ANKRD30B: variants seen among roughly 807,000 people sequenced by gnomAD.
The protein encoded by ANKRD30B is ankyrin repeat domain 30B.
Under a neutral mutation model 202.2 loss-of-function variants are expected in ANKRD30B, and 144 were observed. The observed-to-expected ratio is 0.71, with a 90% confidence interval of 0.62 to 0.82. ANKRD30B has a LOEUF of 0.82. Ranked by LOEUF, ANKRD30B falls within the 40% of genes least tolerant of loss-of-function variation. The pLI, the probability that ANKRD30B is intolerant of heterozygous loss-of-function variation, is 0.00. For missense variants in ANKRD30B, 1,487 were observed against 1,669.1 expected (o/e 0.89, Z 1.90); for synonymous variants, 508 against 561.3 (o/e 0.91, Z 1.34).
At chr18:14,793,973 A>G (rs1968701735) in intron 16 of ANKRD30B, among the ~76,000 whole-genome samples, 1 of 152,156 alleles carries the variant, frequency 6.6e-6, no homozygotes, top group Admixed American at 6.5e-5. Flanking sequence ...ACTAAAAAGC[A>G]TCATAATAAT....
Position 14,797,399 on chromosome 18 carries a change from T to A in ANKRD30B, c.1928-262T>A, listed in dbSNP as rs139232995. On this transcript the variant is annotated intron_variant, in intron 18 of 43. Transcript: ENST00000690538. ...CTCATTCTGGCAGTCCAACCTGGCA[T>A]TGTCTTTACACAATCCTGCATGCAG... 3.0e-4 allele frequency among the ~76,000 whole-genome samples: 45 copies of A among 152,310 alleles called. No homozygotes were observed. In the East Asian group the frequency reaches 3.5e-3, roughly 12 times the overall value.
the ANKRD30B span, among the ~76,000 whole-genome samples, chr18:14,876,483 C>T: frequency 1.3e-5 from 2 of 152,178 alleles, no homozygotes; most frequent in Non-Finnish European, 2.9e-5. Context: ...ATACAACTAA[C>T]TTAGGATTCT....
chr18:14,898,323 A>C, the ANKRD30B span, among the ~76,000 whole-genome samples: 4 of 152,158 alleles, frequency 2.6e-5, no homozygotes, highest in Non-Finnish European at 4.4e-5. Flanking sequence ...AAACTGTTCC[A>C]CTTCAAATCG....
intron 39 of ANKRD30B, among the ~76,000 whole-genome samples, chr18:14,843,858 A>G (rs1389591369): frequency 6.6e-6 from 1 of 152,122 alleles, no homozygotes; most frequent in African/African-American, 2.4e-5. Flanking sequence ...TTTCTTTATG[A>G]TCATTTTGGT....
the ANKRD30B span, among the ~76,000 whole-genome samples, chr18:14,870,224 T>A: frequency 2.0e-5 from 3 of 152,184 alleles, no homozygotes; most frequent in Non-Finnish European, 2.9e-5. Context: ...AGACAATCCT[T>A]CTGCCATGGC....
chr18:14,782,473 G>T, intron 11 of ANKRD30B, 54 bp from the exon 12 acceptor site: 1 of 1,284,168 alleles, frequency 7.8e-7, no homozygotes, highest in Non-Finnish European at 1.1e-6. Flanking sequence ...TAGGAATTTT[G>T]ATGCTTCTTA....
rs1277445847 is a variant in ANKRD30B, at chr18:14,748,368, T to TG, written c.-48dup. The TG allele has an allele frequency of 3.6e-6, 5 of 1,380,956 alleles. No individual in the cohort carries two copies. The highest frequency in any genetic ancestry group is 4.7e-6 in the Non-Finnish European group (5 of 1,053,792). The allele number at this position is 1,380,956 out of a possible 1,614,324, so 85.5% of individuals were successfully genotyped here. ...GGAAGCGAGGGCGAGGGGTAGGGGCTGGGGAAGGGCGAGCGGGAGGCGCGG... is the reference window on the plus strand; with the variant it reads ...GGAAGCGAGGGCGAGGGGTAGGGGCTGGGGGAAGGGCGAGCGGGAGGCGCGG... On this transcript the variant is annotated 5_prime_UTR_variant, in exon 1 of 44. Transcript: ENST00000690538.
rs1336462144 is a variant in ANKRD30B at position 14,837,207 on chromosome 18, A to G, written c.2848-4A>G. On this transcript the variant is annotated splice_polypyrimidine_tract_variant and splice_region_variant and intron_variant, in intron 34 of 43. Coordinates refer to ENST00000690538, the MANE Select transcript of ANKRD30B (RefSeq NM_001367607.2). ...GTTTGCTTTCTGTGTTTTGTTTGTA[A>G]TAGGAGGGAGCAACAAAGACAGTAA... 6.5e-7 allele frequency: 1 copy of G among 1,541,382 alleles called. No individual in the cohort carries two copies. The highest frequency in any genetic ancestry group is 8.8e-7 in the Non-Finnish European group (1 of 1,141,414).
intron 26 of ANKRD30B, among the ~76,000 whole-genome samples, chr18:14,809,056 TGGGTCCAGGGGA>T (rs1233760026): frequency 6.8e-6 from 1 of 147,590 alleles, no homozygotes; most frequent in African/African-American, 2.5e-5. Context: ...TAGTGAAAGC[TGGGTCCAGGGGA>T]ATCACAGCCT....
In ANKRD30B at chr18:14,752,945, A is replaced by T. The variant is rs757718328; in HGVS notation, c.443A>T (p.Tyr148Phe). The T allele has an allele frequency of 6.2e-7, 1 of 1,603,848 alleles. No individual in the cohort carries two copies. Among genetic ancestry groups the T allele is most frequent in the Non-Finnish European group, 8.5e-7 (1 of 1,174,544 alleles). ...AACACGGCTCTCCATTATGCCGTTT[A>T]TAGTGAGAATTTGTTAATGGTGGCA... ...YGNTALHYAV[Y>F]SENLLMVATL... Residue 148 changes from tyrosine (Y) to phenylalanine (F), a missense_variant, in exon 3 of 44, where the codon TAT (tyrosine) becomes TTT (phenylalanine). Around this residue, in one of 6 missense-constraint regions of ANKRD30B, gnomAD observed 889 missense variants for 841.4 expected, o/e 1.06. Transcript: ENST00000690538.
chr18:14,919,117 G>T, the ANKRD30B span, among the ~76,000 whole-genome samples: 1 of 152,268 alleles, frequency 6.6e-6, no homozygotes, highest in Non-Finnish European at 1.5e-5. Flanking sequence ...AAATGCACTA[G>T]GTCACCATCC....
chr18:14,852,047 A>T lies in ANKRD30B; in HGVS notation c.4103A>T (p.Tyr1368Phe). The change falls in exon 42 of 44, where the codon TAT (tyrosine) becomes TTT (phenylalanine). Residue 1368 changes from tyrosine (Y) to phenylalanine (F), a missense_variant. Tyr to Phe is a conservative substitution (Grantham distance 22). Around this residue, in one of 6 missense-constraint regions of ANKRD30B, gnomAD observed 182 missense variants for 216.0 expected, o/e 0.84. Transcript: ENST00000690538. ...KSKSPKINLN[Y>F]AGDDLRENAL... ...AAAAGCCCAAAAATTAATCTCAATT[A>T]TGCAGGAGATGATCTAAGAGAAAAT... 1.2e-6 allele frequency: 2 copies of T among 1,607,668 alleles called. No individual in the cohort carries two copies. The highest frequency in any genetic ancestry group is 1.7e-4 in the Middle Eastern group (1 of 6,050).
chr18:14,819,010 C>T (rs1046412980), intron 30 of ANKRD30B, among the ~76,000 whole-genome samples: 1 of 152,166 alleles, frequency 6.6e-6, no homozygotes, highest in Admixed American at 6.5e-5. Context: ...TCTCCACATC[C>T]TCTCCAGCAC....
chr18:14,889,027 T>C, the ANKRD30B span: 3 of 471,732 alleles, frequency 6.4e-6, no homozygotes, highest in Non-Finnish European at 1.1e-5. Flanking sequence ...ACCCTCAGAT[T>C]GAGCAGGCCT....
intron 32 of ANKRD30B, among the ~76,000 whole-genome samples, chr18:14,826,726 C>CACACA (rs1491141968): frequency 6.7e-6 from 1 of 149,108 alleles, no homozygotes; most frequent in Non-Finnish European, 1.5e-5. Context: ...CACACACACA[C>CACACA]AAGTACAGTA....
intron 3 of ANKRD30B, 119 bp downstream of exon 3, chr18:14,753,131 G>C (rs1363597530): frequency 5.0e-6 from 4 of 800,764 alleles, no homozygotes; most frequent in Non-Finnish European, 7.2e-6. Context: ...TAATTTGAAA[G>C]AACTTAATTA....
intron 39 of ANKRD30B, 25 bp from the exon 40 acceptor site, chr18:14,848,691 T>C: frequency 6.9e-7 from 1 of 1,456,438 alleles, no homozygotes. Flanking sequence ...TAATATATTT[T>C]ATTTCTATCT....
chr18:14,855,978 GGCA>G (rs2143297430), downstream of ANKRD30B, among the ~76,000 whole-genome samples: 2 of 143,950 alleles, frequency 1.4e-5, no homozygotes, highest in South Asian at 2.3e-4. Flanking sequence ...TGGGCAGCTG[GGCA>G]AAGGCGCTCC....
chr18:14,757,039 C>G (rs1201714426), intron 4 of ANKRD30B, among the ~76,000 whole-genome samples: 1 of 151,966 alleles, frequency 6.6e-6, no homozygotes, highest in Non-Finnish European at 1.5e-5. Context: ...TTGCTATCAC[C>G]AGATACTGTG....
Sources: allele counts gnomAD v4.1 joint callset (sites outside exome capture counted in the v4.1 genomes callset), GRCh38; gene constraint gnomAD v4.1.1; regional missense constraint gnomAD v4.1.1; transcripts MANE v1.5; gene names NCBI Gene and HGNC (gene_info 2026-07-23, HGNC 2026-07-21).